The following ARMC2 variants were observed in gnomAD, a reference collection of about 807,000 sequenced individuals.
ARMC2 encodes armadillo repeat containing 2, also known as armadillo repeat-containing protein 2.
ARMC2 carries 67 observed loss-of-function variants against 90.3 expected under a neutral mutation model. The ratio of observed to expected loss-of-function variants is 0.74; its 90% CI spans 0.61 to 0.91. The LOEUF (loss-of-function observed/expected upper bound fraction) is 0.91, where lower values mean the gene tolerates loss of function less well. ARMC2 is among the 40% of genes least tolerant of loss of function. ARMC2 has a pLI of 0.00. For synonymous variants in ARMC2, 393 were observed against 393.0 expected, an observed-to-expected ratio of 1.00 and a Z score of 0.00; for missense variants, 920 against 1,030.9, an observed-to-expected ratio of 0.89 and a Z score of 1.47.
rs771156869 is a variant in ARMC2 at position 108,962,086 on chromosome 6, C to T, written c.2111C>T (p.Ser704Phe). 6.2e-7 allele frequency: 1 copy of T among 1,613,062 alleles called. No individual in the cohort carries two copies. The highest frequency in any genetic ancestry group is 2.2e-5 in the East Asian group (1 of 44,886). Residue 704 changes from serine to phenylalanine, a missense_variant, in exon 15 of 18, where the codon TCC becomes TTC. Transcript: ENST00000392644. ...LEAVRVFGNL[S>F]QDHDVCDFIV... ...GCTGTGCGTGTTTTCGGAAATCTCT[C>T]CCAGGACCATGATGTCTGCGATTTC...
At chr6:108,874,104 G>A (rs548405228) in intron 4 of ARMC2, among the ~76,000 whole-genome samples, 91 of 152,262 alleles carry the variant, frequency 6.0e-4, no homozygotes, top group Non-Finnish European at 1.0e-3. Context: ...ATAATGTGCT[G>A]CAACTGTCTA....
chr6:109,042,752 T>A, the ARMC2 span, among the ~76,000 whole-genome samples: 2 of 152,054 alleles, frequency 1.3e-5, no homozygotes, highest in African/African-American at 4.8e-5. Context: ...CCAAATCCAG[T>A]TTATTTCACT....
chr6:108,975,533 G>T (rs10457184), downstream of ARMC2, among the ~76,000 whole-genome samples: 15,314 of 152,214 alleles, frequency 0.1, 911 homozygotes, highest in Middle Eastern at 0.19. Context: ...TAATGGGATT[G>T]CTGGGTCAAA....
chr6:109,002,692 C>T, the ARMC2 span, among the ~76,000 whole-genome samples: 1 of 152,164 alleles, frequency 6.6e-6, no homozygotes, highest in East Asian at 1.9e-4. Flanking sequence ...TAAAACTCAA[C>T]CAACCCAAAT....
At chr6:108,995,713 G>A in the ARMC2 span, among the ~76,000 whole-genome samples, 1 of 152,204 alleles carries the variant, frequency 6.6e-6, no homozygotes, top group Admixed American at 6.5e-5. Flanking sequence ...CCCAGGAGGA[G>A]TTCAAGGCTG....
the ARMC2 span, chr6:109,000,484 T>A: frequency 5.2e-6 from 8 of 1,529,548 alleles, no homozygotes; most frequent in Non-Finnish European, 7.0e-6. Context: ...ATTACCCCAC[T>A]GCTTACCTCA....
At chr6:108,873,347 G>T (rs1776615914) in intron 4 of ARMC2, among the ~76,000 whole-genome samples, 1 of 152,080 alleles carries the variant, frequency 6.6e-6, no homozygotes, top group South Asian at 2.1e-4. Context: ...TCTGGTGGGG[G>T]TGGCGGGGGA....
At chr6:108,892,983 A>G (rs1771240193) in intron 5 of ARMC2, among the ~76,000 whole-genome samples, 1 of 152,136 alleles carries the variant, frequency 6.6e-6, no homozygotes, top group Non-Finnish European at 1.5e-5. Context: ...TGGAGCAACT[A>G]TTATATTTGA....
chr6:108,922,127 A>G (rs560045564), intron 10 of ARMC2, among the ~76,000 whole-genome samples: 1 of 152,196 alleles, frequency 6.6e-6, no homozygotes, highest in African/African-American at 2.4e-5. Context: ...AGGGCCGTCC[A>G]CTCTGGACAT....
chr6:108,979,992 T>C, the ARMC2 span, among the ~76,000 whole-genome samples: 1 of 152,046 alleles, frequency 6.6e-6, no homozygotes, highest in African/African-American at 2.4e-5. Context: ...CCTATTTCTG[T>C]CAATTTGTCA....
At chr6:108,994,364 G>T in the ARMC2 span, 4 of 953,970 alleles carry the variant, frequency 4.2e-6, no homozygotes, top group Admixed American at 2.4e-5. Context: ...CTAAAAGGAA[G>T]GACATATTTA....
At chr6:108,885,554 G>A (rs376653923) in intron 5 of ARMC2, among the ~76,000 whole-genome samples, 3 of 151,860 alleles carry the variant, frequency 2.0e-5, no homozygotes, top group African/African-American at 7.3e-5. Context: ...GCCAGGTGTA[G>A]TCCCGGCTAC....
chr6:108,907,379 CA>C (rs532681823), intron 8 of ARMC2, among the ~76,000 whole-genome samples: 8 of 151,314 alleles, frequency 5.3e-5, no homozygotes, highest in Non-Finnish European at 1.0e-4. Context: ...GGTAGTCAAC[CA>C]ATTCAAATAT....
Position 108,961,470 on chromosome 6 carries a change from T to C in ARMC2, c.1916-102T>C, listed in dbSNP as rs969951528. 4 of 1,328,698 alleles carry C rather than the reference T, an allele frequency of 3.0e-6. No individual in the cohort carries two copies. The African/African-American group carries it at 5.9e-5, about 20-fold the overall frequency. The allele number at this position is 1,328,698 out of a possible 1,614,324, so 82.3% of individuals were successfully genotyped here. ...CCAGGGCCTTTGTAGGGACCCTGCG[T>C]GATCGCAGCCGGCTCCTGGCCCTGC... On this transcript the variant is annotated intron_variant, in intron 13 of 17. Transcript: ENST00000392644.
chr6:109,048,925 A>G, the ARMC2 span, among the ~76,000 whole-genome samples: 2 of 152,212 alleles, frequency 1.3e-5, no homozygotes, highest in Admixed American at 6.5e-5. Context: ...TACTTAAAAC[A>G]TAACAATGGT....
rs17069995 is a variant in ARMC2 at position 108,916,129 on chromosome 6, C to T, written c.1350+3571C>T. Among the ~76,000 whole-genome samples the T allele has an allele frequency of 3.6e-3, 546 of 152,262 alleles. 20 individuals are homozygous for T. The East Asian group carries it at 0.085, about 24-fold the overall frequency. ...TTGGAAGGTCTTCTTTGTGTTGTTTCTTACATATATGTATACGTATGGCTG... is the reference window on the plus strand; with the variant it reads ...TTGGAAGGTCTTCTTTGTGTTGTTTTTTACATATATGTATACGTATGGCTG... On this transcript the variant is annotated intron_variant, in intron 10 of 17. Transcript: ENST00000392644.
the ARMC2 span, among the ~76,000 whole-genome samples, chr6:108,997,950 G>A: frequency 6.6e-6 from 1 of 152,256 alleles, no homozygotes; most frequent in East Asian, 1.9e-4. Flanking sequence ...GCCAGGAACA[G>A]AAGGAATAGA....
the ARMC2 span, among the ~76,000 whole-genome samples, chr6:109,040,809 C>T: frequency 3.3e-5 from 5 of 151,934 alleles, no homozygotes; most frequent in Admixed American, 1.3e-4. Flanking sequence ...CACGCGACCA[C>T]GCCCAGCTAA....
intron 11 of ARMC2, among the ~76,000 whole-genome samples, chr6:108,930,149 A>C: frequency 6.6e-6 from 1 of 151,232 alleles, no homozygotes. Context: ...AAGAATCCAA[A>C]CTCTTCTTGT....
Sources: allele counts gnomAD v4.1 joint callset (sites outside exome capture counted in the v4.1 genomes callset), GRCh38; gene constraint gnomAD v4.1.1; transcripts MANE v1.5; gene names NCBI Gene and HGNC (gene_info 2026-07-23, HGNC 2026-07-21).